The following TAFA2 variants were observed in gnomAD, a reference collection of about 807,000 sequenced individuals.
TAFA2 encodes the protein chemokine-like protein TAFA-2.
A neutral mutation model predicts 18.8 loss-of-function variants in TAFA2; 7 were observed. The observed-to-expected ratio is 0.37, with a 90% CI of 0.21 to 0.70. TAFA2 has a LOEUF of 0.70. Among genes scored for constraint, TAFA2 ranks in the 30% least tolerant of loss-of-function variants. The pLI, the probability that TAFA2 is intolerant of heterozygous loss-of-function variation, is 0.53. For missense variants in TAFA2, 122 were observed against 158.1 expected (o/e 0.77, Z 1.23); for synonymous variants, 60 against 54.2 (o/e 1.11, Z -0.47).
chr12:61,803,038 A>C (rs1355287366), intron 2 of TAFA2, among the ~76,000 whole-genome samples: 1 of 152,000 alleles, frequency 6.6e-6, no homozygotes, highest in African/African-American at 2.4e-5. Context: ...GTTTCTAGAC[A>C]ATGGGAAAAA....
At chr12:62,108,160 C>G (rs1869549315) in intron 1 of TAFA2, among the ~76,000 whole-genome samples, 1 of 152,082 alleles carries the variant, frequency 6.6e-6, no homozygotes, top group South Asian at 2.1e-4. Context: ...CCAACAGGCC[C>G]CAGTGTGTGA....
At chr12:62,155,432 T>C (rs986658067) in intron 1 of TAFA2, among the ~76,000 whole-genome samples, 2 of 151,946 alleles carry the variant, frequency 1.3e-5, no homozygotes, top group African/African-American at 4.8e-5. Flanking sequence ...CTTCACAGAA[T>C]TGGAAAAAAA....
intron 1 of TAFA2, among the ~76,000 whole-genome samples, chr12:62,056,266 A>G (rs2136781261): frequency 1.3e-5 from 2 of 152,314 alleles, no homozygotes; most frequent in South Asian, 4.1e-4. Flanking sequence ...AGATATTTAA[A>G]ACACTCCCTT....
intron 1 of TAFA2, among the ~76,000 whole-genome samples, chr12:62,170,938 A>C (rs947986311): frequency 1.8e-4 from 28 of 152,104 alleles, no homozygotes; most frequent in African/African-American, 6.5e-4. Context: ...AATTTTTAAA[A>C]CTAGGTTTAC....
At chr12:61,797,176 C>T (rs922779467) in intron 2 of TAFA2, among the ~76,000 whole-genome samples, 4 of 152,116 alleles carry the variant, frequency 2.6e-5, no homozygotes, top group Admixed American at 6.5e-5. Flanking sequence ...TAGCATCACA[C>T]ACCAATAGCA....
chr12:62,062,278 T>G (rs1192831792), intron 1 of TAFA2, among the ~76,000 whole-genome samples: 1 of 152,202 alleles, frequency 6.6e-6, no homozygotes, highest in East Asian at 1.9e-4. Context: ...TCTTAATATA[T>G]TTGCTAAATC....
At chr12:62,201,979 T>G (rs2062672764) in intron 1 of TAFA2, among the ~76,000 whole-genome samples, 1 of 152,310 alleles carries the variant, frequency 6.6e-6, no homozygotes, top group African/African-American at 2.4e-5. Flanking sequence ...AGGTTGTATG[T>G]GTCCAGGAAT....
intron 1 of TAFA2, among the ~76,000 whole-genome samples, chr12:62,246,567 C>T (rs1169556028): frequency 6.6e-6 from 1 of 152,058 alleles, no homozygotes; most frequent in Admixed American, 6.6e-5. Flanking sequence ...CTAATTTTTG[C>T]TTTATGAGTT....
At chr12:62,070,010 C>G (rs1882587521) in intron 1 of TAFA2, among the ~76,000 whole-genome samples, 1 of 152,130 alleles carries the variant, frequency 6.6e-6, no homozygotes, top group South Asian at 2.1e-4. Context: ...TTAATTCATC[C>G]ATTCATTCAT....
chr12:62,062,701 A>T (rs1592312923), intron 1 of TAFA2, among the ~76,000 whole-genome samples: 1 of 152,206 alleles, frequency 6.6e-6, no homozygotes, highest in Non-Finnish European at 1.5e-5. Flanking sequence ...CCAGACTAAT[A>T]TCAAGCTGTC....
chr12:61,907,539 G>T (rs1876412780), intron 1 of TAFA2, among the ~76,000 whole-genome samples: 1 of 152,180 alleles, frequency 6.6e-6, no homozygotes, highest in African/African-American at 2.4e-5. Context: ...TTGCTGCAGG[G>T]GTGGGGCCCT....
intron 1 of TAFA2, among the ~76,000 whole-genome samples, chr12:62,095,663 T>A (rs1192253811): frequency 6.6e-6 from 1 of 152,114 alleles, no homozygotes; most frequent in African/African-American, 2.4e-5. Context: ...TCACCTGATT[T>A]TAGTAAACTT....
intron 1 of TAFA2, among the ~76,000 whole-genome samples, chr12:61,918,777 T>C (rs1046262753): frequency 6.6e-5 from 10 of 152,200 alleles, no homozygotes; most frequent in Non-Finnish European, 1.5e-4. Context: ...TTGGCTTCCA[T>C]CCTTGGAGAT....
At chr12:62,069,155 G>A (rs348646) in intron 1 of TAFA2, among the ~76,000 whole-genome samples, 103,301 of 152,022 alleles carry the variant, frequency 0.68, 35,431 homozygotes, top group African/African-American at 0.75. Context: ...GCTCCACACT[G>A]GTCTGTAGTT....
chr12:62,175,386 C>G (rs1400777906), intron 1 of TAFA2, among the ~76,000 whole-genome samples: 2 of 152,078 alleles, frequency 1.3e-5, no homozygotes, highest in Non-Finnish European at 2.9e-5. Context: ...TCTACACACT[C>G]CAAGGTCTTT....
At chr12:62,095,324 G>A (rs746013822) in intron 1 of TAFA2, among the ~76,000 whole-genome samples, 3 of 152,136 alleles carry the variant, frequency 2.0e-5, no homozygotes, top group African/African-American at 4.8e-5. Flanking sequence ...ATAGACAGTC[G>A]ATTAACAATT....
chr12:62,259,951 CT>C (rs2062982600), upstream of TAFA2: 2 of 168,980 alleles, frequency 1.2e-5, no homozygotes, highest in Non-Finnish European at 2.6e-5. Context: ...CACTGAGCTG[CT>C]ACATTTTCTG....
At chr12:61,820,585 A>C (rs1006484449) in intron 2 of TAFA2, among the ~76,000 whole-genome samples, 1 of 151,972 alleles carries the variant, frequency 6.6e-6, no homozygotes, top group African/African-American at 2.4e-5. Context: ...GGAAGAGGAA[A>C]AAAAGAAATA....
chr12:62,046,726 T>C (rs1881918241), intron 1 of TAFA2, among the ~76,000 whole-genome samples: 1 of 151,708 alleles, frequency 6.6e-6, no homozygotes, highest in Non-Finnish European at 1.5e-5. Flanking sequence ...TTGTTCAGCG[T>C]CCATAGATGA....
Sources: allele counts gnomAD v4.1 joint callset (sites outside exome capture counted in the v4.1 genomes callset), GRCh38; gene constraint gnomAD v4.1.1; transcripts MANE v1.5; gene names NCBI Gene and HGNC (gene_info 2026-07-23, HGNC 2026-07-21).